The following ZNF362 variants were observed in gnomAD, a reference collection of about 807,000 sequenced individuals.
The protein encoded by ZNF362 is rotund homolog.
A neutral mutation model predicts 42.9 loss-of-function variants in ZNF362; 11 were observed. The observed-to-expected ratio is 0.26, with a 90% CI of 0.16 to 0.42. ZNF362 has a LOEUF of 0.42. Ranked by LOEUF, ZNF362 falls within the 20% of genes least tolerant of loss-of-function variation. The pLI, the probability that ZNF362 is intolerant of heterozygous loss-of-function variation, is 1.00. For synonymous variants in ZNF362, 255 were observed against 257.3 expected (o/e 0.99, Z 0.09); for missense variants, 362 against 576.2 (o/e 0.63, Z 3.81).
At chr1:33,233,869 A>G in the ZNF362 span, among the ~76,000 whole-genome samples, 1 of 152,132 alleles carries the variant, frequency 6.6e-6, no homozygotes, top group African/African-American at 2.4e-5. Context: ...TGGAACTGGG[A>G]TGCCTCCTCT....
chr1:33,173,391 G>A, the ZNF362 span, among the ~76,000 whole-genome samples: 77 of 152,292 alleles, frequency 5.1e-4, no homozygotes, highest in African/African-American at 1.1e-3. Context: ...CAATGGGTGC[G>A]TGCATGTGTG....
Position 33,281,877 on chromosome 1 carries a change from G to T in ZNF362, c.908+66G>T. 1 of 1,558,884 alleles carries T rather than the reference G, an allele frequency of 6.4e-7. No homozygotes were observed. The highest frequency in any genetic ancestry group is 8.8e-7 in the Non-Finnish European group (1 of 1,137,098). On this transcript the variant is annotated intron_variant, in intron 6 of 8. Transcript: ENST00000539719. The surrounding 1 kb of genome is among the most constrained non-coding windows in gnomAD (Gnocchi z 4.8). The stretch of plus-strand genomic sequence containing the variant: ...CTCAGCACCCGTGGCCTGGCACATG[G>T]AGCCAGTGCAAGGAGGGGCAAGGAC...
chr1:33,213,176 C>T, the ZNF362 span, among the ~76,000 whole-genome samples: 3 of 152,120 alleles, frequency 2.0e-5, no homozygotes, highest in South Asian at 2.1e-4. Flanking sequence ...GATGGAGTCT[C>T]ACTCTGTTGC....
chr1:33,158,235 T>G, the ZNF362 span: 2 of 1,608,492 alleles, frequency 1.2e-6, no homozygotes, highest in African/African-American at 2.7e-5. Flanking sequence ...CTCTGGACCA[T>G]GATAACCCAT....
At chr1:33,172,536 G>T in the ZNF362 span, among the ~76,000 whole-genome samples, 1 of 152,130 alleles carries the variant, frequency 6.6e-6, no homozygotes, top group African/African-American at 2.4e-5. Context: ...ATTCCACAGG[G>T]CCCCATCGGA....
the ZNF362 span, chr1:33,176,396 T>C: frequency 5.8e-5 from 40 of 695,166 alleles, no homozygotes; most frequent in African/African-American, 5.2e-4. Flanking sequence ...TGGATCACCA[T>C]ACCCTGCCTA....
At chr1:33,185,212 A>C in the ZNF362 span, among the ~76,000 whole-genome samples, 1 of 151,652 alleles carries the variant, frequency 6.6e-6, no homozygotes. Flanking sequence ...CTCTGGCTGA[A>C]AGTCACAGAC....
chr1:33,165,672 A>G, the ZNF362 span: 5 of 900,110 alleles, frequency 5.6e-6, no homozygotes, highest in East Asian at 3.1e-5. The surrounding 1 kb of genome is among the most constrained non-coding windows in gnomAD (Gnocchi z 4.0). Context: ...TCTGTCCCCA[A>G]CCTCCAACAC....
chr1:33,235,482 C>T, the ZNF362 span, among the ~76,000 whole-genome samples: 2 of 152,306 alleles, frequency 1.3e-5, no homozygotes, highest in East Asian at 1.9e-4. Flanking sequence ...TAGCCTAGGA[C>T]GTGGCCTCCT....
chr1:33,269,974 G>A (rs976823728), intron 1 of ZNF362, among the ~76,000 whole-genome samples: 1 of 152,174 alleles, frequency 6.6e-6, no homozygotes, highest in African/African-American at 2.4e-5. Context: ...CTTCTGGGAC[G>A]GAGTGATAAA....
chr1:33,230,106 A>T, the ZNF362 span, among the ~76,000 whole-genome samples: 3 of 152,138 alleles, frequency 2.0e-5, no homozygotes, highest in South Asian at 2.1e-4. Context: ...TTTTGAAAAA[A>T]ACCTATAACC....
chr1:33,149,060 G>A, the ZNF362 span, among the ~76,000 whole-genome samples: 1 of 152,116 alleles, frequency 6.6e-6, no homozygotes, highest in African/African-American at 2.4e-5. Context: ...ACCCCCAGAG[G>A]CTCAATTCAA....
At chr1:33,295,065 C>G in intron 7 of ZNF362, 50 bp downstream of exon 7, 2 of 1,610,900 alleles carry the variant, frequency 1.2e-6, no homozygotes, top group African/African-American at 1.3e-5. Flanking sequence ...TGCCCCCCCA[C>G]CCACCCCCAC....
At chr1:33,148,135 A>T in the ZNF362 span, among the ~76,000 whole-genome samples, 50 of 152,316 alleles carry the variant, frequency 3.3e-4, 1 homozygote, top group South Asian at 8.9e-3. Flanking sequence ...GAGTGTGTTC[A>T]GGTTGTCTTA....
chr1:33,294,681 C>CT lies in ZNF362; in HGVS notation c.909-255dup, dbSNP rs1332602509. On this transcript the variant is annotated intron_variant, in intron 6 of 8. Coordinates refer to ENST00000539719, the MANE Select transcript of ZNF362 (RefSeq NM_152493.3). The surrounding 1 kb of genome is among the most constrained non-coding windows in gnomAD (Gnocchi z 4.2). ...CCTGCACTGGGTTGCTGCAAGGGCT[C>CT]TGGTGGTGGGCTGGGGACAGCTGGG... Among the ~76,000 whole-genome samples, 1 of 152,116 alleles carries CT rather than the reference C, an allele frequency of 6.6e-6. No homozygotes were observed. The highest frequency in any genetic ancestry group is 2.4e-5 in the African/African-American group (1 of 41,422).
the ZNF362 span, among the ~76,000 whole-genome samples, chr1:33,174,966 TATAC>T: frequency 3.1e-3 from 291 of 95,326 alleles, 1 homozygote; most frequent in African/African-American, 0.012. Context: ...TATATATATA[TATAC>T]ACACATATAC....
At chr1:33,161,231 C>T in the ZNF362 span, among the ~76,000 whole-genome samples, 2 of 152,164 alleles carry the variant, frequency 1.3e-5, no homozygotes, top group Non-Finnish European at 2.9e-5. This position sits in a 1 kb window ranked among gnomAD's most constrained non-coding sequence, Gnocchi z 4.3. Flanking sequence ...CATTGAGAGA[C>T]GGGTTCTGAG....
the ZNF362 span, among the ~76,000 whole-genome samples, chr1:33,223,125 C>T: frequency 6.6e-6 from 1 of 152,064 alleles, no homozygotes; most frequent in Non-Finnish European, 1.5e-5. Context: ...GTGGCGTGTG[C>T]CTGTAGTCCC....
rs566644807 is a variant in ZNF362 at position 33,270,384 on chromosome 1, T to C, written c.-88-103T>C. 2.0e-5 allele frequency: 11 copies of C among 549,408 alleles called. No individual in the cohort carries two copies. The South Asian group carries it at 2.4e-4, about 12-fold the overall frequency. The allele number at this position is 549,408 out of a possible 1,614,324, so 34.0% of individuals were successfully genotyped here. Reference sequence around the variant, plus strand: ...GAGTCATTGGGAAGATTCAGTGACATGAATCATGACATATTCAACACATAG... The same window carrying C: ...GAGTCATTGGGAAGATTCAGTGACACGAATCATGACATATTCAACACATAG... On this transcript the variant is annotated intron_variant, in intron 1 of 8. Transcript: ENST00000539719.
Sources: gnomAD v4.1 joint callset for allele counts (sites outside exome capture counted in the v4.1 genomes callset) on GRCh38, gnomAD v4.1.1 for gene constraint, Gnocchi (gnomAD v3.1) non-coding constraint, MANE v1.5 for transcripts, NCBI Gene and HGNC (gene_info 2026-07-23, HGNC 2026-07-21) for gene names.